WDFY3: variants seen among roughly 807,000 people sequenced by gnomAD.
WDFY3 encodes WD repeat and FYVE domain-containing protein 3.
Under a neutral mutation model 409.6 loss-of-function variants are expected in WDFY3, and 66 were observed. The ratio of observed to expected loss-of-function variants is 0.16; its 90% CI spans 0.13 to 0.20. The LOEUF (loss-of-function observed/expected upper bound fraction) is 0.20. Ranked by LOEUF, WDFY3 falls within the 10% of genes least tolerant of loss-of-function variation. The pLI is 1.00. For missense variants in WDFY3, 3,031 were observed against 4,298.1 expected, an observed-to-expected ratio of 0.71 and a Z score of 8.24; for synonymous variants, 1,521 against 1,537.1, an observed-to-expected ratio of 0.99 and a Z score of 0.25.
At chr4:84,735,186 C>T (rs187691517) in intron 42 of WDFY3, 66 bp from the exon 43 acceptor site, 8 of 1,407,946 alleles carry the variant, frequency 5.7e-6, no homozygotes, top group Admixed American at 1.9e-5. Flanking sequence ...GTTAATTACC[C>T]TTGAAATTAA....
chr4:84,955,867 T>C (rs1003753963), intron 1 of WDFY3, among the ~76,000 whole-genome samples: 2 of 152,190 alleles, frequency 1.3e-5, no homozygotes, highest in African/African-American at 4.8e-5. Context: ...GCAGGATAAT[T>C]AATCACCTCC....
At chr4:84,946,788 G>C (rs550231928) in intron 1 of WDFY3, among the ~76,000 whole-genome samples, 134 of 152,108 alleles carry the variant, frequency 8.8e-4, no homozygotes, top group African/African-American at 3.1e-3. Flanking sequence ...ATCTGAACGA[G>C]GTTAATTTAA....
intron 3 of WDFY3, among the ~76,000 whole-genome samples, chr4:84,866,125 G>A (rs1761359296): frequency 6.6e-6 from 1 of 152,076 alleles, no homozygotes; most frequent in Admixed American, 6.5e-5. Context: ...TGGGTTTACT[G>A]GTACTTCTCA....
intron 32 of WDFY3, among the ~76,000 whole-genome samples, chr4:84,764,452 A>G (rs534309749): frequency 3.9e-5 from 6 of 152,342 alleles, no homozygotes; most frequent in African/African-American, 1.4e-4. Context: ...AATTTTCTTT[A>G]GAAATCATTT....
rs1211575181 is a variant in WDFY3, at chr4:84,704,527, G to A, written c.8336-83C>T. On this transcript the variant is annotated intron_variant, in intron 54 of 67. Transcript: ENST00000295888. ...TTGGTATTAATTTATGCTTGAAAAT[G>A]CTAGCCTATGTGATAACTGTAACAC... 8 of 1,133,658 alleles carry A rather than the reference G, an allele frequency of 7.1e-6. No homozygotes were observed. In the East Asian group the frequency reaches 2.1e-4, roughly 29 times the overall value. The allele number at this position is 1,133,658 out of a possible 1,614,324, so 70.2% of individuals were successfully genotyped here.
At chr4:84,690,377 G>C in intron 61 of WDFY3, 129 bp downstream of exon 61, 1 of 1,299,818 alleles carries the variant, frequency 7.7e-7, no homozygotes, top group Non-Finnish European at 1.1e-6. Context: ...TCTAGCAACA[G>C]AACGTCACTT....
At chr4:84,913,615 C>T (rs1389620537) in intron 2 of WDFY3, among the ~76,000 whole-genome samples, 3 of 151,992 alleles carry the variant, frequency 2.0e-5, no homozygotes, top group Admixed American at 1.3e-4. Context: ...GAAAAAAAAT[C>T]GACATTAGAC....
intron 3 of WDFY3, among the ~76,000 whole-genome samples, chr4:84,868,976 T>G (rs930992590): frequency 1.3e-5 from 2 of 152,248 alleles, no homozygotes; most frequent in South Asian, 4.1e-4. Context: ...AAAAGGATTC[T>G]TGTAACGCAA....
chr4:84,794,435 A>C, intron 21 of WDFY3, 84 bp downstream of exon 21: 2 of 1,291,932 alleles, frequency 1.5e-6, no homozygotes, highest in Non-Finnish European at 2.1e-6. Context: ...AAAAGTTATT[A>C]TTAGCTGGAC....
chr4:84,789,632 A>AACACAC (rs370993126), intron 22 of WDFY3, 94 bp downstream of exon 22: 74 of 1,014,722 alleles, frequency 7.3e-5, no homozygotes, highest in African/African-American at 5.1e-4. Context: ...ATATCCCTGT[A>AACACAC]ACACACACAC....
rs1725454484 is a variant in WDFY3, at chr4:84,671,613, T to C, written c.*1255A>G. ...AATCCCCCTGGATTTGTGTGTTCTGTATCCAACTAGTAGAACAAATTAAAT... is the reference window on the plus strand; with the variant it reads ...AATCCCCCTGGATTTGTGTGTTCTGCATCCAACTAGTAGAACAAATTAAAT... On this transcript the variant is annotated 3_prime_UTR_variant, in exon 68 of 68. Transcript: ENST00000295888. 6.6e-6 allele frequency: 1 copy of C among 152,256 alleles called. No homozygotes were observed. Among genetic ancestry groups the C allele is most frequent in the Non-Finnish European group, 1.5e-5 (1 of 67,952 alleles). The allele number at this position is 152,256 out of a possible 1,614,324, so 9.4% of individuals were successfully genotyped here.
At chr4:84,755,756 T>C (rs1352810636) in intron 33 of WDFY3, among the ~76,000 whole-genome samples, 1 of 152,144 alleles carries the variant, frequency 6.6e-6, no homozygotes, top group Non-Finnish European at 1.5e-5. Flanking sequence ...ACAAAGCACA[T>C]TAAGCTCACT....
intron 1 of WDFY3, among the ~76,000 whole-genome samples, chr4:84,939,172 C>G (rs1771799901): frequency 1.3e-5 from 2 of 152,010 alleles, no homozygotes; most frequent in South Asian, 4.1e-4. Context: ...TTTTAAGGAC[C>G]ACAGTTCCCT....
At chr4:84,944,263 G>T (rs924783232) in intron 1 of WDFY3, among the ~76,000 whole-genome samples, 1 of 149,982 alleles carries the variant, frequency 6.7e-6, no homozygotes, top group Admixed American at 6.6e-5. Context: ...GGTGGCTCAT[G>T]CCTGTAATCC....
At chr4:84,953,556 G>T (rs1468038767) in intron 1 of WDFY3, among the ~76,000 whole-genome samples, 4 of 151,882 alleles carry the variant, frequency 2.6e-5, no homozygotes, top group African/African-American at 9.7e-5. Flanking sequence ...ACAATAAAAT[G>T]TATTTTTTTA....
intron 52 of WDFY3, 100 bp downstream of exon 52, chr4:84,709,187 TTTTCTC>T: frequency 2.1e-6 from 3 of 1,404,230 alleles, no homozygotes; most frequent in Non-Finnish European, 1.9e-6. Context: ...AAATAAAACA[TTTTCTC>T]TATGGTATAT....
chr4:84,687,853 C>T (rs1005272590), intron 62 of WDFY3: 1 of 404,838 alleles, frequency 2.5e-6, no homozygotes, highest in Non-Finnish European at 4.5e-6. Context: ...CCTCCTTAGG[C>T]AACTTGGTGG....
At chr4:84,908,373 C>A (rs570602240) in intron 2 of WDFY3, among the ~76,000 whole-genome samples, 84 of 152,234 alleles carry the variant, frequency 5.5e-4, no homozygotes, top group Non-Finnish European at 1.1e-3. Flanking sequence ...CCATCAATAT[C>A]TCCAGAACAC....
chr4:84,931,684 C>G (rs1168457175), intron 2 of WDFY3, among the ~76,000 whole-genome samples: 1 of 152,080 alleles, frequency 6.6e-6, no homozygotes, highest in African/African-American at 2.4e-5. Flanking sequence ...TGATTACTTG[C>G]AATCAACAGA....
Sources: allele counts gnomAD v4.1 joint callset (sites outside exome capture counted in the v4.1 genomes callset), GRCh38; gene constraint gnomAD v4.1.1; transcripts MANE v1.5; gene names NCBI Gene and HGNC (gene_info 2026-07-23, HGNC 2026-07-21).